The following SORCS1 variants were observed in gnomAD, a reference collection of about 807,000 sequenced individuals.
SORCS1 encodes the protein VPS10 domain-containing receptor SorCS1.
A neutral mutation model predicts 146.1 loss-of-function variants in SORCS1; 60 were observed. The ratio of observed to expected loss-of-function variants is 0.41; its 90% CI spans 0.33 to 0.51. SORCS1 has a LOEUF of 0.51. Among genes scored for constraint, SORCS1 ranks in the 20% least tolerant of loss-of-function variants. The pLI, the probability that SORCS1 is intolerant of heterozygous loss-of-function variation, is 0.21. For missense variants in SORCS1, 1,352 were observed against 1,487.6 expected, an observed-to-expected ratio of 0.91 and a Z score of 1.50; for synonymous variants, 637 against 584.0, an observed-to-expected ratio of 1.09 and a Z score of -1.31.
intron 2 of SORCS1, among the ~76,000 whole-genome samples, chr10:106,863,458 G>A (rs994147284): frequency 6.6e-6 from 1 of 150,750 alleles, no homozygotes; most frequent in African/African-American, 2.5e-5. Flanking sequence ...CCAAGAGGCA[G>A]AGGTTGCAGT....
intron 1 of SORCS1, among the ~76,000 whole-genome samples, chr10:106,995,388 G>A (rs1335772325): frequency 6.6e-6 from 1 of 152,038 alleles, no homozygotes. Context: ...GAATAAAAAG[G>A]TACTACATCT....
chr10:107,171,709 T>C, the SORCS1 span, among the ~76,000 whole-genome samples: 1 of 151,816 alleles, frequency 6.6e-6, no homozygotes, highest in Non-Finnish European at 1.5e-5. Flanking sequence ...AGAGACGGGG[T>C]TTCACCATGT....
chr10:106,994,279 A>G (rs1337616439), intron 1 of SORCS1, among the ~76,000 whole-genome samples: 1 of 152,148 alleles, frequency 6.6e-6, no homozygotes, highest in East Asian at 1.9e-4. Flanking sequence ...TAAAATGACT[A>G]CAGCACGACA....
chr10:106,996,523 C>T (rs1957013459), intron 1 of SORCS1, among the ~76,000 whole-genome samples: 1 of 152,120 alleles, frequency 6.6e-6, no homozygotes, highest in African/African-American at 2.4e-5. Context: ...AACCTTGGCC[C>T]CTAGGATCCT....
At chr10:106,870,315 T>C (rs972053368) in intron 2 of SORCS1, among the ~76,000 whole-genome samples, 10 of 151,956 alleles carry the variant, frequency 6.6e-5, no homozygotes, top group Middle Eastern at 3.2e-3. Flanking sequence ...CTACCAAAGA[T>C]ACTCTTCATA....
chr10:106,718,403 A>C (rs1038271513), intron 6 of SORCS1, among the ~76,000 whole-genome samples: 3 of 152,196 alleles, frequency 2.0e-5, no homozygotes, highest in Admixed American at 6.5e-5. Context: ...TGAGTGTTAC[A>C]GTTCTTAAAG....
chr10:106,868,565 A>C (rs1339514857), intron 2 of SORCS1, among the ~76,000 whole-genome samples: 1 of 152,242 alleles, frequency 6.6e-6, no homozygotes. Context: ...AATTACATGG[A>C]AATTATGCAA....
intron 8 of SORCS1, among the ~76,000 whole-genome samples, chr10:106,702,929 A>C (rs1854236964): frequency 6.6e-6 from 1 of 152,184 alleles, no homozygotes; most frequent in African/African-American, 2.4e-5. Context: ...AAAAGGAGGA[A>C]GGGATCCTTT....
intron 24 of SORCS1, among the ~76,000 whole-genome samples, chr10:106,581,825 T>C (rs1844937713): frequency 6.6e-6 from 1 of 152,092 alleles, no homozygotes; most frequent in Non-Finnish European, 1.5e-5. Context: ...ATCAAGGAAA[T>C]TATATTAGGA....
At chr10:107,089,250 T>TA (rs1249146001) in intron 1 of SORCS1, among the ~76,000 whole-genome samples, 1 of 152,188 alleles carries the variant, frequency 6.6e-6, no homozygotes, top group Non-Finnish European at 1.5e-5. Context: ...AATGTTTTCA[T>TA]AAAATTAACA....
At chr10:106,813,491 C>T (rs937507638) in intron 3 of SORCS1, among the ~76,000 whole-genome samples, 4 of 152,042 alleles carry the variant, frequency 2.6e-5, no homozygotes, top group African/African-American at 7.3e-5. Flanking sequence ...CCAGAGTAAA[C>T]GAATGTACGT....
chr10:106,943,759 G>A (rs1333620232), intron 2 of SORCS1, among the ~76,000 whole-genome samples: 2 of 151,998 alleles, frequency 1.3e-5, no homozygotes, highest in African/African-American at 2.4e-5. Context: ...GCAGTGAGCC[G>A]AGATCGTGCC....
At chr10:106,695,149 T>C (rs1205976364) in intron 9 of SORCS1, among the ~76,000 whole-genome samples, 1 of 152,154 alleles carries the variant, frequency 6.6e-6, no homozygotes, top group Non-Finnish European at 1.5e-5. Context: ...AGGACACTTG[T>C]TTCCAGGCTT....
intron 1 of SORCS1, among the ~76,000 whole-genome samples, chr10:107,051,288 T>C (rs1407709754): frequency 3.9e-5 from 6 of 152,194 alleles, no homozygotes; most frequent in Non-Finnish European, 7.4e-5. Context: ...ACTTCAGATC[T>C]TTCCAAGGAG....
At chr10:106,648,043 A>C (rs939716693) in intron 18 of SORCS1, among the ~76,000 whole-genome samples, 20 of 151,442 alleles carry the variant, frequency 1.3e-4, no homozygotes, top group African/African-American at 4.9e-4. Flanking sequence ...ATTTTTTTTA[A>C]TTATTTTTAT....
At chr10:106,727,916 C>A (rs79344630) in intron 6 of SORCS1, among the ~76,000 whole-genome samples, 1 of 152,052 alleles carries the variant, frequency 6.6e-6, no homozygotes, top group Non-Finnish European at 1.5e-5. Flanking sequence ...CTGCAGGCAA[C>A]GAGTGAGGAG....
At chr10:106,674,545 C>T (rs916040209) in intron 14 of SORCS1, among the ~76,000 whole-genome samples, 4 of 152,102 alleles carry the variant, frequency 2.6e-5, no homozygotes, top group Non-Finnish European at 4.4e-5. Context: ...CCATAGGCAG[C>T]GTCATTAATC....
chr10:106,879,436 CAT>C (rs1335867098), intron 2 of SORCS1, among the ~76,000 whole-genome samples: 1 of 152,162 alleles, frequency 6.6e-6, no homozygotes, highest in Non-Finnish European at 1.5e-5. Flanking sequence ...TTTTTAACCA[CAT>C]GTGTAGGTGA....
intron 3 of SORCS1, among the ~76,000 whole-genome samples, chr10:106,813,717 T>C (rs1947593565): frequency 6.6e-6 from 1 of 152,142 alleles, no homozygotes; most frequent in South Asian, 2.1e-4. Context: ...GGAGGATCAC[T>C]TGGGCCCAGG....
Sources: gnomAD v4.1 joint callset for allele counts (sites outside exome capture counted in the v4.1 genomes callset) on GRCh38, gnomAD v4.1.1 for gene constraint, MANE v1.5 for transcripts, NCBI Gene and HGNC (gene_info 2026-07-23, HGNC 2026-07-21) for gene names.